Variants in RPL35A observed in about 807,000 individuals in gnomAD.
The protein encoded by RPL35A is ribosomal protein L35a.
Under a neutral mutation model 16.7 loss-of-function variants are expected in RPL35A, and 1 was observed. The ratio of observed to expected loss-of-function variants is 0.06; its 90% CI spans 0.02 to 0.28. The LOEUF is 0.28. Among genes scored for constraint, RPL35A ranks in the 10% least tolerant of loss-of-function variants. The probability of loss-of-function intolerance (pLI) is 1.00; values close to 1 mark genes in which losing one functional copy is unlikely to be tolerated. For missense variants in RPL35A, 91 were observed against 138.7 expected (o/e 0.66, Z 1.73); for synonymous variants, 58 against 47.0 (o/e 1.23, Z -0.96).
intron 1 of RPL35A, 103 bp downstream of exon 1, chr3:197,950,324 C>T (rs1719949090): frequency 1.6e-6 from 2 of 1,228,232 alleles, no homozygotes; most frequent in East Asian, 6.4e-5. Flanking sequence ...CTCTGCCAGC[C>T]ATTGATTTCT....
intron 3 of RPL35A, among the ~76,000 whole-genome samples, chr3:197,952,357 A>G (rs1157139442): frequency 6.6e-6 from 1 of 151,486 alleles, no homozygotes; most frequent in Middle Eastern, 3.2e-3. Flanking sequence ...TTTAGTAGAG[A>G]TGGGGTTTCA....
intron 4 of RPL35A, 130 bp downstream of exon 4, chr3:197,954,277 T>C (rs891536040): frequency 1.1e-6 from 1 of 889,258 alleles, no homozygotes; most frequent in Non-Finnish European, 1.8e-6. Flanking sequence ...AATTTGTGTA[T>C]TGCAGAACAC....
At chr3:197,953,913 A>G in intron 3 of RPL35A, 90 bp from the exon 4 acceptor site, 1 of 1,335,926 alleles carries the variant, frequency 7.5e-7, no homozygotes, top group Non-Finnish European at 1.1e-6. Context: ...GTGGGTAACC[A>G]GGGTTGAGAG....
intron 3 of RPL35A, among the ~76,000 whole-genome samples, chr3:197,951,909 G>A (rs1036594311): frequency 1.3e-5 from 2 of 152,150 alleles, no homozygotes; most frequent in African/African-American, 2.4e-5. Flanking sequence ...TGTTGGCCAG[G>A]CTGGATTGGT....
rs1720536260 is a variant in RPL35A, at chr3:197,956,566, T to G, written c.*793T>G. On this transcript the variant is annotated 3_prime_UTR_variant, in exon 5 of 5. Coordinates refer to ENST00000647248, the MANE Select transcript of RPL35A (RefSeq NM_000996.4). ...ACTTTAAGCAGGCCTCCTAAATATTTTAGATTTCTTGGGGATATGCTAAAA... is the reference window on the plus strand; with the variant it reads ...ACTTTAAGCAGGCCTCCTAAATATTGTAGATTTCTTGGGGATATGCTAAAA... The G allele has an allele frequency of 1.3e-5, 2 of 152,042 alleles. No individual in the cohort carries two copies. The highest frequency in any genetic ancestry group is 4.1e-4 in the South Asian group (2 of 4,822). 9.4% of individuals were successfully genotyped at this position (152,042 alleles called of 1,614,324 possible). A position where few individuals can be genotyped will look rare whatever the true frequency, so the allele number is the denominator to read the frequency against.
intron 3 of RPL35A, 49 bp downstream of exon 3, chr3:197,951,360 T>A: frequency 6.3e-7 from 1 of 1,596,826 alleles, no homozygotes; most frequent in Non-Finnish European, 8.6e-7. Context: ...TCTGCCTCAT[T>A]TTCTTTTTTA....
chr3:197,950,775 C>T (rs1302757968), intron 1 of RPL35A, 161 bp from the exon 2 acceptor site: 6 of 645,590 alleles, frequency 9.3e-6, no homozygotes, highest in African/African-American at 5.5e-5. Flanking sequence ...AATGTCTTGC[C>T]GGACCCTGCG....
At position 197,951,336 on chromosome 3, in the gene RPL35A, T is replaced by C. The variant is rs766420386; in HGVS notation, c.164+25T>C. Reference sequence around the variant, plus strand: ...AGTAAGTTTATGACACTGGTAGGTTTTGGGTTTTTGAGATCTGCCTCATTT... The same window carrying C: ...AGTAAGTTTATGACACTGGTAGGTTCTGGGTTTTTGAGATCTGCCTCATTT... On this transcript the variant is annotated intron_variant, in intron 3 of 4. Transcript: ENST00000647248. 19 of 1,613,242 alleles carry C rather than the reference T, an allele frequency of 1.2e-5. No homozygotes were observed. In the Admixed American group the frequency reaches 3.0e-4, roughly 25 times the overall value.
intron 3 of RPL35A, chr3:197,953,540 T>C (rs1411371703): frequency 2.2e-6 from 1 of 457,252 alleles, no homozygotes; most frequent in Non-Finnish European, 4.4e-6. Context: ...GGACACACAC[T>C]CCTTGGCCCC....
Position 197,955,907 on chromosome 3 carries a change from G to A in RPL35A, c.*134G>A. On this transcript the variant is annotated 3_prime_UTR_variant, in exon 5 of 5. Coordinates refer to ENST00000647248, the MANE Select transcript of RPL35A (RefSeq NM_000996.4). ...GTTGCTCAGCATTTTTGGAGTACAA[G>A]GGGGTCAGAGAGACATGTGATGAAA... 1 of 759,370 alleles carries A rather than the reference G, an allele frequency of 1.3e-6. No individual in the cohort carries two copies. Among genetic ancestry groups the A allele is most frequent in the South Asian group, 1.4e-5 (1 of 70,032 alleles). The allele number at this position is 759,370 out of a possible 1,614,324, so 47.0% of individuals were successfully genotyped here. A position where few individuals can be genotyped will look rare whatever the true frequency, so the allele number is the denominator to read the frequency against.
intron 1 of RPL35A, 162 bp from the exon 2 acceptor site, chr3:197,950,774 C>T: frequency 1.6e-6 from 1 of 643,882 alleles, no homozygotes. Context: ...GAATGTCTTG[C>T]CGGACCCTGC....
intron 1 of RPL35A, 130 bp from the exon 2 acceptor site, chr3:197,950,806 A>G: frequency 1.3e-6 from 1 of 755,198 alleles, no homozygotes; most frequent in Non-Finnish European, 2.2e-6. Context: ...ATGTTCTGGC[A>G]TTGTTGTCCC....
chr3:197,951,446 G>A (rs988075398), intron 3 of RPL35A, 135 bp downstream of exon 3: 2 of 949,100 alleles, frequency 2.1e-6, no homozygotes, highest in Admixed American at 1.9e-5. Context: ...TCCGCCTCCC[G>A]GGTTCAAGCA....
rs557583468 is a variant in RPL35A, at chr3:197,950,600, C to A, written c.-32-336C>A. On this transcript the variant is annotated intron_variant, in intron 1 of 4. Coordinates refer to ENST00000647248, the MANE Select transcript of RPL35A (RefSeq NM_000996.4). ...CCCCAGCCATTGCATAAAAGTCTTA[C>A]GTGTGTGTTTCTCTTTAAGGCTTCA... 5 of 382,302 alleles carry A rather than the reference C, an allele frequency of 1.3e-5. No individual in the cohort carries two copies. The Admixed American group carries it at 2.2e-4, about 16-fold the overall frequency. 23.7% of individuals were successfully genotyped at this position (382,302 alleles called of 1,614,324 possible).
chr3:197,951,175 A>G lies in RPL35A; in HGVS notation c.28A>G (p.Ile10Val), dbSNP rs553548757. The G allele has an allele frequency of 9.3e-6, 15 of 1,614,030 alleles. No individual in the cohort carries two copies. Among genetic ancestry groups the G allele is most frequent in the Non-Finnish European group, 1.3e-5 (15 of 1,180,052 alleles). MSGRLWSKAIFAGYKRGLRN... is the reference protein window; with the variant it reads MSGRLWSKAVFAGYKRGLRN... The stretch of plus-strand genomic sequence containing the variant: ...GTGTCTTAGGCTGTGGTCCAAGGCC[A>G]TTTTTGCTGGCTATAAGCGGGGTCT... Residue 10 changes from isoleucine to valine, a missense_variant, in exon 3 of 5, where the codon ATT (isoleucine) becomes GTT (valine). Ile to Val is a conservative substitution (Grantham distance 29). Coordinates refer to ENST00000647248, the MANE Select transcript of RPL35A (RefSeq NM_000996.4).
At chr3:197,952,136 A>G (rs944632387) in intron 3 of RPL35A, among the ~76,000 whole-genome samples, 36 of 117,662 alleles carry the variant, frequency 3.1e-4, no homozygotes, top group African/African-American at 9.1e-4. Flanking sequence ...TGCTTAATGC[A>G]TTTTGTTAAT....
intron 3 of RPL35A, chr3:197,952,749 C>T (rs1262951099): frequency 6.6e-6 from 1 of 152,308 alleles, no homozygotes; most frequent in Non-Finnish European, 1.5e-5. Context: ...CTGCCTCGGC[C>T]TCCCAGAGTG....
At chr3:197,950,675 CT>C in intron 1 of RPL35A, 1 of 524,340 alleles carries the variant, frequency 1.9e-6, no homozygotes, top group East Asian at 3.2e-5. Flanking sequence ...TTTTCTCAGG[CT>C]TTTCTGAGAG....
chr3:197,951,585 T>C, intron 3 of RPL35A: 1 of 427,332 alleles, frequency 2.3e-6, no homozygotes, highest in Non-Finnish European at 4.3e-6. Context: ...ACTCCTGACC[T>C]TAGGTGATCC....
Sources: gnomAD v4.1 joint callset for allele counts (sites outside exome capture counted in the v4.1 genomes callset) on GRCh38, gnomAD v4.1.1 for gene constraint, MANE v1.5 for transcripts, NCBI Gene and HGNC (gene_info 2026-07-23, HGNC 2026-07-21) for gene names.